The following RXFP1 variants were observed in gnomAD, a reference collection of about 807,000 sequenced individuals.
RXFP1 encodes relaxin family peptide receptor 1, also known as relaxin receptor 1.
In RXFP1, 73 loss-of-function variants were observed where a neutral mutation model predicts 89.8. The ratio of observed to expected loss-of-function variants is 0.81; its 90% CI spans 0.67 to 0.99. The LOEUF is 0.99. Among genes scored for constraint, RXFP1 ranks in the 50% least tolerant of loss-of-function variants. The pLI is 0.00. For synonymous variants in RXFP1, 277 were observed against 305.5 expected (o/e 0.91, Z 0.97); for missense variants, 793 against 895.5 (o/e 0.89, Z 1.46).
At chr4:158,600,929 A>G (rs747510771) in intron 4 of RXFP1, among the ~76,000 whole-genome samples, 23 of 152,286 alleles carry the variant, frequency 1.5e-4, no homozygotes, top group Non-Finnish European at 2.8e-4. Context: ...AAATCAAAGG[A>G]TATTCTGATG....
chr4:158,633,331 T>C (rs1251692765), intron 11 of RXFP1, 74 bp from the exon 12 acceptor site: 5 of 968,660 alleles, frequency 5.2e-6, no homozygotes, highest in Non-Finnish European at 6.6e-6. Context: ...TGTATAGTGG[T>C]TTCCTAATGA....
chr4:158,590,120 G>A (rs182386914), intron 2 of RXFP1, among the ~76,000 whole-genome samples: 286 of 152,012 alleles, frequency 1.9e-3, no homozygotes, highest in African/African-American at 6.5e-3. Context: ...ACAACCCATA[G>A]GATCAGATTC....
chr4:158,608,411 C>T (rs1173020944), intron 6 of RXFP1, among the ~76,000 whole-genome samples: 2 of 149,072 alleles, frequency 1.3e-5, no homozygotes, highest in South Asian at 2.1e-4. Context: ...CTCAGCCTCC[C>T]GAATAGCTCC....
chr4:158,617,272 A>G (rs1764768314), intron 9 of RXFP1, 67 bp downstream of exon 9: 1 of 1,157,468 alleles, frequency 8.6e-7, no homozygotes, highest in African/African-American at 1.6e-5. Flanking sequence ...TTCATTCCAG[A>G]TATAAGATTG....
chr4:158,560,048 C>T (rs1465729479), intron 1 of RXFP1, among the ~76,000 whole-genome samples: 1 of 152,182 alleles, frequency 6.6e-6, no homozygotes, highest in African/African-American at 2.4e-5. Context: ...GAAAGCTTTC[C>T]TCTGGCTTTT....
chr4:158,639,763 G>A (rs1440587536), intron 14 of RXFP1, among the ~76,000 whole-genome samples: 2 of 152,164 alleles, frequency 1.3e-5, no homozygotes, highest in East Asian at 3.9e-4. Context: ...AGGAGGCTGA[G>A]GCAGGAGAAT....
At chr4:158,562,030 T>C (rs1309700702) in intron 1 of RXFP1, among the ~76,000 whole-genome samples, 4 of 152,146 alleles carry the variant, frequency 2.6e-5, no homozygotes, top group South Asian at 4.1e-4. Context: ...CCAGTGCTGC[T>C]TATACACTTA....
intron 1 of RXFP1, among the ~76,000 whole-genome samples, chr4:158,531,159 G>A (rs532312358): frequency 5.7e-4 from 87 of 152,046 alleles, no homozygotes; most frequent in Middle Eastern, 3.4e-3. Flanking sequence ...ACTAAGCCTC[G>A]CGAGTTGCTG....
chr4:158,631,464 C>T (rs534352580), intron 11 of RXFP1, among the ~76,000 whole-genome samples: 3 of 152,204 alleles, frequency 2.0e-5, no homozygotes, highest in South Asian at 4.2e-4. Flanking sequence ...AAAGAACTCA[C>T]GTTTCAGAAA....
chr4:158,645,595 T>C (rs1016414888), intron 15 of RXFP1, among the ~76,000 whole-genome samples: 4 of 152,174 alleles, frequency 2.6e-5, no homozygotes, highest in East Asian at 3.8e-4. Flanking sequence ...CTAACTGAAA[T>C]GTGTAAATAA....
chr4:158,605,206 A>G, intron 5 of RXFP1, 67 bp downstream of exon 5: 1 of 841,746 alleles, frequency 1.2e-6, no homozygotes, highest in African/African-American at 1.7e-5. Context: ...TTTTCTTCCT[A>G]CTTCTGTGAA....
intron 1 of RXFP1, among the ~76,000 whole-genome samples, chr4:158,531,871 G>A (rs1744121290): frequency 6.6e-6 from 1 of 152,002 alleles, no homozygotes; most frequent in Admixed American, 6.6e-5. Context: ...TTTAAAATGA[G>A]GCACTTTTTC....
At chr4:158,642,343 T>G (rs1770539595) in intron 14 of RXFP1, among the ~76,000 whole-genome samples, 1 of 152,154 alleles carries the variant, frequency 6.6e-6, no homozygotes, top group South Asian at 2.1e-4. Context: ...AAACCATACA[T>G]TATTGTTAAC....
intron 2 of RXFP1, among the ~76,000 whole-genome samples, chr4:158,577,883 A>G (rs1756569802): frequency 6.6e-6 from 1 of 152,190 alleles, no homozygotes. Context: ...CAGTTTTCTC[A>G]GAAAACCCAT....
chr4:158,647,404 G>T (rs1487456489), intron 16 of RXFP1, among the ~76,000 whole-genome samples: 1 of 152,110 alleles, frequency 6.6e-6, no homozygotes, highest in Non-Finnish European at 1.5e-5. Context: ...CCCTAAACAT[G>T]CTAAGCAACA....
At chr4:158,573,871 G>A (rs1466398603) in intron 2 of RXFP1, among the ~76,000 whole-genome samples, 2 of 152,220 alleles carry the variant, frequency 1.3e-5, no homozygotes, top group Non-Finnish European at 2.9e-5. Context: ...TCTAGGAGGT[G>A]CTGTCCAGGT....
chr4:158,521,722 G>C, upstream of RXFP1: 1 of 493,722 alleles, frequency 2.0e-6, no homozygotes, highest in South Asian at 2.9e-5. Flanking sequence ...GCGTGCGTGT[G>C]TGTAAAGAAG....
intron 4 of RXFP1, among the ~76,000 whole-genome samples, chr4:158,599,743 C>T (rs1456451668): frequency 1.3e-5 from 2 of 152,086 alleles, no homozygotes; most frequent in African/African-American, 2.4e-5. Flanking sequence ...TAAACTATTA[C>T]ATAGAGCTTT....
intron 15 of RXFP1, among the ~76,000 whole-genome samples, chr4:158,645,862 A>G (rs937843927): frequency 8.6e-5 from 13 of 151,942 alleles, no homozygotes; most frequent in African/African-American, 2.9e-4. Context: ...TAATGTCTAA[A>G]TGTTTTTTTT....
Sources: allele counts gnomAD v4.1 joint callset (sites outside exome capture counted in the v4.1 genomes callset), GRCh38; gene constraint gnomAD v4.1.1; transcripts MANE v1.5; gene names NCBI Gene and HGNC (gene_info 2026-07-23, HGNC 2026-07-21).